The following CRISP1 variants were observed in gnomAD, a reference collection of about 807,000 sequenced individuals.
CRISP1 encodes cysteine rich secretory protein 1, also known as cysteine-rich secretory protein 1.
CRISP1 carries 44 observed loss-of-function variants against 33.1 expected under a neutral mutation model. That is an observed-to-expected ratio of 1.33 (90% CI 1.05 to 1.71). CRISP1 has a LOEUF of 1.71. Ranked by LOEUF, CRISP1 falls within the 40% of genes most tolerant of loss-of-function variation. The pLI is 0.00. For synonymous variants in CRISP1, 103 were observed against 98.7 expected, an observed-to-expected ratio of 1.04 and a Z score of -0.26; for missense variants, 390 against 301.2, an observed-to-expected ratio of 1.29 and a Z score of -2.18.
chr6:49,834,470 AC>A lies in CRISP1; in HGVS notation c.*845del, dbSNP rs1177347586. ...CTTCCATTGTGTTGAAATAATCATA[AC>A]CTTTGCAACCCTGTTTACTCAGAAG... On this transcript the variant is annotated 3_prime_UTR_variant, in exon 8 of 8. Coordinates refer to ENST00000335847, the MANE Select transcript of CRISP1 (RefSeq NM_001131.3). 6.6e-6 allele frequency: 1 copy of A among 151,900 alleles called. No individual in the cohort carries two copies. Among genetic ancestry groups the A allele is most frequent in the African/African-American group, 2.4e-5 (1 of 41,374 alleles). The allele number at this position is 151,900 out of a possible 1,614,324, so 9.4% of individuals were successfully genotyped here. A position where few individuals can be genotyped will look rare whatever the true frequency, so the allele number is the denominator to read the frequency against.
At position 49,848,160 on chromosome 6, in the gene CRISP1, A is replaced by G. The variant is rs201142955; in HGVS notation, c.286+49T>C. On this transcript the variant is annotated intron_variant, in intron 4 of 7. Transcript: ENST00000335847. Reference sequence around the variant, plus strand: ...GGTACATAACAATCCCTGTTTTACTATTTTTTTTTTTTTTAGTCCAAAGGC... The same window carrying G: ...GGTACATAACAATCCCTGTTTTACTGTTTTTTTTTTTTTTAGTCCAAAGGC... 2,829 of 915,460 alleles carry G rather than the reference A, an allele frequency of 3.1e-3. 10 individuals are homozygous for G. Among genetic ancestry groups the G allele is most frequent in the Non-Finnish European group, 3.9e-3 (2,391 of 610,802 alleles). 56.7% of individuals were successfully genotyped at this position (915,460 alleles called of 1,614,324 possible).
chr6:49,876,045 T>C (rs1157925264), intron 1 of CRISP1, among the ~76,000 whole-genome samples: 2 of 151,814 alleles, frequency 1.3e-5, no homozygotes, highest in Non-Finnish European at 2.9e-5. Flanking sequence ...AATAGACAAA[T>C]GGGATCTAAT....
At chr6:49,858,235 C>T (rs898138050) in intron 1 of CRISP1, among the ~76,000 whole-genome samples, 2 of 152,038 alleles carry the variant, frequency 1.3e-5, no homozygotes, top group African/African-American at 2.4e-5. Context: ...GCTAATGTAC[C>T]TTCTCTTTTA....
intron 1 of CRISP1, among the ~76,000 whole-genome samples, chr6:49,871,827 C>G (rs1050859775): frequency 3.3e-5 from 5 of 152,096 alleles, no homozygotes; most frequent in Non-Finnish European, 7.4e-5. Flanking sequence ...GCTTCCAAGT[C>G]TTTGCTATTG....
intron 1 of CRISP1, among the ~76,000 whole-genome samples, chr6:49,863,001 A>G (rs1771695764): frequency 6.6e-6 from 1 of 152,174 alleles, no homozygotes. Flanking sequence ...TTGCCCCAGA[A>G]TTATAATAGT....
chr6:49,838,521 T>A lies in CRISP1; in HGVS notation c.538A>T (p.Asn180Tyr). ...LYVCHYCHEG[N>Y]DPETKNEPYK... is the part of the protein sequence containing the mutation. The stretch of plus-strand genomic sequence containing the variant: ...GGTTCATTCTTTGTTTCAGGATCAT[T>A]TCCCCTTGAATAAAAAAAAGTGATT... The change falls in exon 7 of 8, where the codon AAT (asparagine) becomes TAT (tyrosine). Residue 180 changes from asparagine to tyrosine, a missense_variant. Coordinates refer to ENST00000335847, the MANE Select transcript of CRISP1 (RefSeq NM_001131.3). 2 of 1,610,862 alleles carry A rather than the reference T, an allele frequency of 1.2e-6. No homozygotes were observed. Among genetic ancestry groups the A allele is most frequent in the Non-Finnish European group, 1.7e-6 (2 of 1,178,484 alleles).
At position 49,860,812 on chromosome 6, in the gene CRISP1, T is replaced by TA. The variant is rs1270257968; in HGVS notation, c.-2-3411dup. Among the ~76,000 whole-genome samples, 4 of 151,996 alleles carry TA rather than the reference T, an allele frequency of 2.6e-5. No individual in the cohort carries two copies. In the South Asian group the frequency reaches 8.3e-4, roughly 32 times the overall value. ...GAGACTTTAAAAAATATACAAAGGATAAAAAAATGTTGATTTTTTGAAAAT... is the reference window on the plus strand; with the variant it reads ...GAGACTTTAAAAAATATACAAAGGATAAAAAAAATGTTGATTTTTTGAAAAT... On this transcript the variant is annotated intron_variant, in intron 1 of 7. Coordinates refer to ENST00000335847, the MANE Select transcript of CRISP1 (RefSeq NM_001131.3).
At chr6:49,865,249 G>A (rs1478313275) in intron 1 of CRISP1, among the ~76,000 whole-genome samples, 2 of 152,090 alleles carry the variant, frequency 1.3e-5, no homozygotes, top group Non-Finnish European at 2.9e-5. Context: ...GGGAAAGGAT[G>A]ATCATTTTTA....
chr6:49,862,730 T>G (rs570226445), intron 1 of CRISP1, among the ~76,000 whole-genome samples: 2 of 152,124 alleles, frequency 1.3e-5, no homozygotes, highest in African/African-American at 4.8e-5. Flanking sequence ...GGACCTTAGA[T>G]TTTTCAGTCC....
intron 7 of CRISP1, among the ~76,000 whole-genome samples, chr6:49,837,004 A>G (rs1770820651): frequency 6.6e-6 from 1 of 151,956 alleles, no homozygotes; most frequent in South Asian, 2.1e-4. Flanking sequence ...TAGCAGTAAC[A>G]TATATTTTCT....
At chr6:49,872,724 T>C (rs1771953906) in intron 1 of CRISP1, among the ~76,000 whole-genome samples, 1 of 152,178 alleles carries the variant, frequency 6.6e-6, no homozygotes, top group African/African-American at 2.4e-5. Flanking sequence ...TATGCGGCAT[T>C]ATTTCTGAGG....
chr6:49,876,323 A>T (rs983292833), intron 1 of CRISP1, among the ~76,000 whole-genome samples: 4 of 152,188 alleles, frequency 2.6e-5, no homozygotes, highest in African/African-American at 9.7e-5. Flanking sequence ...AATGCAAATC[A>T]AAACCACAAT....
chr6:49,845,301 C>T (rs979370274), intron 5 of CRISP1, among the ~76,000 whole-genome samples: 2 of 152,070 alleles, frequency 1.3e-5, no homozygotes, highest in Admixed American at 1.3e-4. Flanking sequence ...TCCTCTTTTG[C>T]ACTGGGGAGA....
chr6:49,848,436 A>G, intron 3 of CRISP1, 137 bp from the exon 4 acceptor site: 1 of 501,196 alleles, frequency 2.0e-6, no homozygotes, highest in Non-Finnish European at 3.4e-6. Flanking sequence ...GATTACTATT[A>G]AACGTTCTAG....
chr6:49,841,018 T>C (rs760426518), intron 5 of CRISP1, 23 bp from the exon 6 acceptor site: 9 of 1,553,888 alleles, frequency 5.8e-6, no homozygotes, highest in Non-Finnish European at 8.0e-6. Context: ...AGAGTTGTTT[T>C]ATTACAGATT....
At chr6:49,835,993 C>T (rs1168574353) in intron 7 of CRISP1, among the ~76,000 whole-genome samples, 1 of 152,142 alleles carries the variant, frequency 6.6e-6, no homozygotes, top group Non-Finnish European at 1.5e-5. Flanking sequence ...CATCCTGGTA[C>T]ATACAGAGGC....
chr6:49,850,656 A>G (rs1204653004), intron 3 of CRISP1, among the ~76,000 whole-genome samples: 2 of 152,044 alleles, frequency 1.3e-5, no homozygotes, highest in African/African-American at 4.8e-5. Flanking sequence ...TCTCAGTTTT[A>G]CTGGTACACT....
Position 49,848,105 on chromosome 6 carries a change from A to T in CRISP1, c.286+104T>A. ...TTGTATGACCCAGTGCAAATGAGGA[A>T]ATCTAGATGACTTAATTTACTTTCA... On this transcript the variant is annotated intron_variant, in intron 4 of 7. Coordinates refer to ENST00000335847, the MANE Select transcript of CRISP1 (RefSeq NM_001131.3). 6.6e-6 allele frequency: 4 copies of T among 609,910 alleles called. No homozygotes were observed. The South Asian group carries it at 7.5e-5, about 12-fold the overall frequency. The allele number at this position is 609,910 out of a possible 1,614,324, so 37.8% of individuals were successfully genotyped here. A position where few individuals can be genotyped will look rare whatever the true frequency, so the allele number is the denominator to read the frequency against.
chr6:49,841,323 A>T (rs1263121214), intron 5 of CRISP1, among the ~76,000 whole-genome samples: 1 of 152,196 alleles, frequency 6.6e-6, no homozygotes, highest in Non-Finnish European at 1.5e-5. Flanking sequence ...TCTAATTTTA[A>T]CAAAACCCAA....
Sources: gnomAD v4.1 joint callset for allele counts (sites outside exome capture counted in the v4.1 genomes callset) on GRCh38, gnomAD v4.1.1 for gene constraint, MANE v1.5 for transcripts, NCBI Gene and HGNC (gene_info 2026-07-23, HGNC 2026-07-21) for gene names.